The following CROCC variants were observed in gnomAD, a reference collection of about 807,000 sequenced individuals.
CROCC encodes the protein rootletin.
CROCC carries 180 observed loss-of-function variants against 245.2 expected under a neutral mutation model. The ratio of observed to expected loss-of-function variants is 0.73; its 90% CI spans 0.65 to 0.83. CROCC has a LOEUF of 0.83. Ranked by LOEUF, CROCC falls within the 40% of genes least tolerant of loss-of-function variation. The pLI, the probability that CROCC is intolerant of heterozygous loss-of-function variation, is 0.00. For missense variants in CROCC, 2,688 were observed against 2,779.4 expected, an observed-to-expected ratio of 0.97 and a Z score of 0.74; for synonymous variants, 1,205 against 1,241.6, an observed-to-expected ratio of 0.97 and a Z score of 0.62.
At chr1:16,924,279 C>G in intron 2 of CROCC, 46 bp from the exon 3 acceptor site, 1 of 1,594,076 alleles carries the variant, frequency 6.3e-7, no homozygotes, top group South Asian at 1.1e-5. Flanking sequence ...GGGAGGATGT[C>G]CCACTGGACC....
In CROCC at chr1:16,966,979, C is replaced by T. The variant is rs1011531068; in HGVS notation, c.4860+408C>T. ...CTGAGGTGGGAAGATCACTGGAGCC[C>T]GGTAGGTCGAGGCTGCAATGAGCTG... is the stretch of plus-strand genomic sequence containing the variant. On this transcript the variant is annotated intron_variant, in intron 30 of 36. Transcript: ENST00000375541. This position sits in a 1 kb window ranked among gnomAD's most constrained non-coding sequence, Gnocchi z 4.8. Among the ~76,000 whole-genome samples, 2 of 151,650 alleles carry T rather than the reference C, an allele frequency of 1.3e-5. No homozygotes were observed. Among genetic ancestry groups the T allele is most frequent in the African/African-American group, 2.4e-5 (1 of 41,214 alleles).
At chr1:16,926,713 A>G (rs1458188953) in intron 3 of CROCC, among the ~76,000 whole-genome samples, 2 of 152,258 alleles carry the variant, frequency 1.3e-5, no homozygotes, top group African/African-American at 4.8e-5. Context: ...GCAGCTGGGA[A>G]TGGAAAGGAG....
intron 8 of CROCC, among the ~76,000 whole-genome samples, chr1:16,933,234 G>C (rs1485320684): frequency 1.3e-5 from 2 of 152,284 alleles, no homozygotes; most frequent in Non-Finnish European, 2.9e-5. Context: ...AGGAGGCCGA[G>C]GCGGGCGGAC....
At chr1:16,915,803 A>C (rs2075296324) in intron 1 of CROCC, among the ~76,000 whole-genome samples, 1 of 152,258 alleles carries the variant, frequency 6.6e-6, no homozygotes, top group South Asian at 2.1e-4. Flanking sequence ...GTGCAAAAGA[A>C]GGGGGAAGTG....
At chr1:16,972,114 C>G (rs952474255) in intron 36 of CROCC, among the ~76,000 whole-genome samples, 1 of 152,184 alleles carries the variant, frequency 6.6e-6, no homozygotes, top group African/African-American at 2.4e-5. Context: ...TGAAGCCACG[C>G]CCACCCAAGT....
chr1:16,949,811 C>T (rs539037231), intron 19 of CROCC, among the ~76,000 whole-genome samples: 1 of 152,338 alleles, frequency 6.6e-6, no homozygotes, highest in African/African-American at 2.4e-5. Context: ...CTCTTGTTGC[C>T]CAGGCGGGAG....
At chr1:16,953,095 C>G in intron 20 of CROCC, 1 of 570,014 alleles carries the variant, frequency 1.8e-6, no homozygotes, top group Non-Finnish European at 3.1e-6. Flanking sequence ...CATGTTCGGA[C>G]CCCCAGGCCA....
chr1:16,939,215 C>CGGGGGG, intron 12 of CROCC, 73 bp downstream of exon 12: 22 of 491,100 alleles, frequency 4.5e-5, no homozygotes, highest in Non-Finnish European at 6.1e-5. Context: ...CGGGTGGGGG[C>CGGGGGG]GGGGGCGGGG....
chr1:16,971,466 C>T lies in CROCC; in HGVS notation c.5786C>T (p.Ala1929Val). 1.3e-6 allele frequency: 2 copies of T among 1,533,670 alleles called. No individual in the cohort carries two copies. Among genetic ancestry groups the T allele is most frequent in the Non-Finnish European group, 1.7e-6 (2 of 1,144,332 alleles). Residue 1929 changes from alanine to valine, a missense_variant and splice_region_variant, in exon 36 of 37, where the codon GCG (alanine) becomes GTG (valine). Physicochemically the swap from Ala to Val is moderately conservative, Grantham distance 64. Coordinates refer to ENST00000375541, the MANE Select transcript of CROCC (RefSeq NM_014675.5). ...EAQRQIQQLE[A>V]QVVVLEQSHS... ...GCGGACCACAGCCCCTCCCTGCAGG[C>T]GCAGGTGGTGGTGCTGGAGCAGAGC...
intron 8 of CROCC, among the ~76,000 whole-genome samples, chr1:16,931,751 G>T (rs1363507905): frequency 6.6e-6 from 1 of 151,978 alleles, no homozygotes; most frequent in African/African-American, 2.4e-5. Flanking sequence ...GTCAGAGTTT[G>T]AAGTTCCTGA....
In CROCC at chr1:16,952,134, A is replaced by G. The variant is rs144807423; in HGVS notation, c.3006+1012A>G. On this transcript the variant is annotated intron_variant, in intron 20 of 36. Coordinates refer to ENST00000375541, the MANE Select transcript of CROCC (RefSeq NM_014675.5). ...GAACTTTTGACCTCGTAATCTGCCC[A>G]CCTCGGCCTCCCAAAGTGCTGGGAT... 5.4e-3 allele frequency among the ~76,000 whole-genome samples: 810 copies of G among 150,020 alleles called. 1 individual carries two copies. Among genetic ancestry groups the G allele is most frequent in the African/African-American group, 0.019 (770 of 41,108 alleles).
chr1:16,922,870 C>T, intron 2 of CROCC, 72 bp downstream of exon 2: 4 of 1,552,544 alleles, frequency 2.6e-6, no homozygotes, highest in South Asian at 2.4e-5. Context: ...CTTTCCTGAG[C>T]AGTCACCATG....
At chr1:16,914,367 G>C (rs1377253209) in intron 1 of CROCC, among the ~76,000 whole-genome samples, 1 of 152,242 alleles carries the variant, frequency 6.6e-6, no homozygotes, top group Non-Finnish European at 1.5e-5. Context: ...CGGGCCGGGG[G>C]CACGACAGGA....
intron 13 of CROCC, among the ~76,000 whole-genome samples, chr1:16,940,598 C>T (rs1289665435): frequency 3.2e-4 from 48 of 152,254 alleles, no homozygotes; most frequent in Non-Finnish European, 1.5e-4. Context: ...CCATCTTGGC[C>T]AGGCTGATCT....
At position 16,948,926 on chromosome 1, in the gene CROCC, G is replaced by A. The variant is rs1413564088; in HGVS notation, c.2836G>A (p.Gly946Arg). The change falls in exon 19 of 37, where the codon GGG becomes AGG. Residue 946 changes from glycine (G) to arginine (R), a missense_variant and splice_region_variant. Coordinates refer to ENST00000375541, the MANE Select transcript of CROCC (RefSeq NM_014675.5). ...GCTGCTGGCCAAGGAGACCCTGACT[G>A]GTACGAGGGGCTGGGGACTTGGGGG... is the stretch of plus-strand genomic sequence containing the variant. ...ALLLAKETLT[G>R]ELAGLRQQII... The A allele has an allele frequency of 1.2e-6, 2 of 1,611,206 alleles. No individual in the cohort carries two copies. The highest frequency in any genetic ancestry group is 1.7e-6 in the Non-Finnish European group (2 of 1,179,778).
At chr1:16,921,172 C>T (rs1361871106), upstream of CROCC, among the ~76,000 whole-genome samples, 2 of 152,276 alleles carry the variant, frequency 1.3e-5, no homozygotes, top group East Asian at 1.9e-4. Context: ...CGGACGGCTC[C>T]GAGAGATGAG....
At chr1:16,919,383 T>C (rs2075357359), upstream of CROCC, among the ~76,000 whole-genome samples, 1 of 152,288 alleles carries the variant, frequency 6.6e-6, no homozygotes, top group Non-Finnish European at 1.5e-5. Context: ...TTTTCTCATC[T>C]GGAAATAGGT....
intron 13 of CROCC, among the ~76,000 whole-genome samples, chr1:16,940,390 A>AG (rs2075903501): frequency 7.3e-6 from 1 of 136,298 alleles, no homozygotes; most frequent in Non-Finnish European, 1.6e-5. Context: ...TGCCGGGCTA[A>AG]TTTTTTTTTT....
chr1:16,956,233 C>G (rs1320933036), intron 25 of CROCC, 77 bp downstream of exon 25: 2 of 1,392,086 alleles, frequency 1.4e-6, no homozygotes. Context: ...TCTGGAATTA[C>G]GTTTCTACCC....
Sources: allele counts gnomAD v4.1 joint callset (sites outside exome capture counted in the v4.1 genomes callset), GRCh38; gene constraint gnomAD v4.1.1; non-coding constraint Gnocchi (gnomAD v3.1); transcripts MANE v1.5; gene names NCBI Gene and HGNC (gene_info 2026-07-23, HGNC 2026-07-21).